SCFD1: variants seen among roughly 807,000 people sequenced by gnomAD.
SCFD1 encodes the protein sec1 family domain containing 1, also known as sec1 family domain-containing protein 1.
A neutral mutation model predicts 103.2 loss-of-function variants in SCFD1; 37 were observed. That is an observed-to-expected ratio of 0.36 (90% CI 0.28 to 0.47). The LOEUF (loss-of-function observed/expected upper bound fraction) is 0.47. Among genes scored for constraint, SCFD1 ranks in the 20% least tolerant of loss-of-function variants. The probability of loss-of-function intolerance (pLI) is 1.00; values close to 1 mark genes in which losing one functional copy is unlikely to be tolerated. For synonymous variants in SCFD1, 264 were observed against 245.0 expected (o/e 1.08, Z -0.73); for missense variants, 639 against 761.2 (o/e 0.84, Z 1.89).
intron 23 of SCFD1, among the ~76,000 whole-genome samples, chr14:30,732,975 ATACTGGTACATTT>A (rs887044832): frequency 1.3e-5 from 2 of 151,944 alleles, no homozygotes; most frequent in African/African-American, 2.4e-5. Context: ...TTGAATCAAT[ATACTGGTACATTT>A]TATAAAGTTC....
intron 18 of SCFD1, among the ~76,000 whole-genome samples, chr14:30,707,606 G>A (rs1455633319): frequency 6.6e-6 from 1 of 151,962 alleles, no homozygotes; most frequent in East Asian, 1.9e-4. Flanking sequence ...AATTGTCCAA[G>A]TTACTAGCTT....
At chr14:30,696,882 TA>T (rs980156814) in intron 15 of SCFD1, among the ~76,000 whole-genome samples, 8 of 152,092 alleles carry the variant, frequency 5.3e-5, no homozygotes, top group Admixed American at 1.3e-4. Context: ...ACTGGCTAAA[TA>T]AATATATTGG....
intron 23 of SCFD1, chr14:30,734,573 T>C: frequency 3.9e-6 from 2 of 514,626 alleles, no homozygotes; most frequent in Non-Finnish European, 7.0e-6. Flanking sequence ...TATGCCATAG[T>C]ATATATTTTG....
At chr14:30,684,613 T>G (rs1889785220) in intron 14 of SCFD1, among the ~76,000 whole-genome samples, 1 of 152,046 alleles carries the variant, frequency 6.6e-6, no homozygotes, top group Admixed American at 6.6e-5. Context: ...AATGTCCTTC[T>G]AAAAGGATTT....
intron 23 of SCFD1, among the ~76,000 whole-genome samples, chr14:30,724,677 A>T (rs900705176): frequency 6.6e-6 from 1 of 152,170 alleles, no homozygotes; most frequent in Non-Finnish European, 1.5e-5. Flanking sequence ...TTTGCTATGT[A>T]GAAGCTCTTT....
chr14:30,682,981 A>T, intron 14 of SCFD1: 1 of 814,490 alleles, frequency 1.2e-6, no homozygotes, highest in Non-Finnish European at 1.9e-6. Flanking sequence ...GAAATCACAA[A>T]AAAAGACAGA....
chr14:30,725,176 T>G (rs1226848925), intron 23 of SCFD1, among the ~76,000 whole-genome samples: 1 of 152,164 alleles, frequency 6.6e-6, no homozygotes, highest in African/African-American at 2.4e-5. Flanking sequence ...GGCTCTTTTT[T>G]GATTCCATAT....
chr14:30,681,006 G>A (rs536667914), intron 14 of SCFD1, among the ~76,000 whole-genome samples: 2 of 152,278 alleles, frequency 1.3e-5, no homozygotes, highest in South Asian at 4.2e-4. Flanking sequence ...GCCAAGGCAG[G>A]CAGATCACTT....
chr14:30,692,600 A>G (rs1054055467), intron 14 of SCFD1, among the ~76,000 whole-genome samples: 2 of 152,232 alleles, frequency 1.3e-5, no homozygotes, highest in Admixed American at 6.5e-5. Flanking sequence ...CTAGAGAATT[A>G]AAAGCAAACA....
Position 30,650,420 on chromosome 14 carries a change from C to A in SCFD1, c.670-145C>A. On this transcript the variant is annotated intron_variant, in intron 8 of 24. Coordinates refer to ENST00000458591, the MANE Select transcript of SCFD1 (RefSeq NM_016106.4). ...TTATGATGATATGGAAGTGGTAAGA[C>A]GGAGCTAAAATATTTAGATATTAGA... is the stretch of plus-strand genomic sequence containing the variant. 1.4e-5 allele frequency: 9 copies of A among 623,026 alleles called. No homozygotes were observed. In the South Asian group the frequency reaches 1.6e-4, roughly 11 times the overall value. 38.6% of individuals were successfully genotyped at this position (623,026 alleles called of 1,614,324 possible). A position where few individuals can be genotyped will look rare whatever the true frequency, so the allele number is the denominator to read the frequency against.
chr14:30,676,160 T>G (rs1327304363), intron 14 of SCFD1: 2 of 152,186 alleles, frequency 1.3e-5, no homozygotes, highest in African/African-American at 4.8e-5. Context: ...TATCACCAGG[T>G]GAAATACAAC....
chr14:30,732,794 T>C (rs1490961709), intron 23 of SCFD1, among the ~76,000 whole-genome samples: 5 of 152,228 alleles, frequency 3.3e-5, no homozygotes, highest in African/African-American at 1.2e-4. Flanking sequence ...ACAATGTAAA[T>C]GCTATTTGGT....
At chr14:30,628,339 T>C in intron 2 of SCFD1, 60 bp downstream of exon 2, 1 of 1,058,844 alleles carries the variant, frequency 9.4e-7, no homozygotes, top group Non-Finnish European at 1.4e-6. Flanking sequence ...TTGGTGGTAA[T>C]TGGAGGGAAT....
chr14:30,637,002 C>T (rs972200002), intron 4 of SCFD1, among the ~76,000 whole-genome samples: 2 of 151,944 alleles, frequency 1.3e-5, no homozygotes, highest in Admixed American at 1.3e-4. Flanking sequence ...TGTCTCAGCC[C>T]AGGATTCAGA....
chr14:30,640,875 CAT>C (rs374358368), intron 6 of SCFD1, among the ~76,000 whole-genome samples: 44 of 152,168 alleles, frequency 2.9e-4, no homozygotes, highest in East Asian at 5.8e-4. Flanking sequence ...TGAAAGATCA[CAT>C]GTTTGAGATT....
chr14:30,695,623 C>A (rs1292893295), intron 15 of SCFD1, among the ~76,000 whole-genome samples: 2 of 152,218 alleles, frequency 1.3e-5, no homozygotes, highest in Middle Eastern at 3.4e-3. Flanking sequence ...AATCCCAGTA[C>A]TTTGGGAGCT....
At chr14:30,628,338 A>G (rs1883741120) in intron 2 of SCFD1, 59 bp downstream of exon 2, 2 of 1,056,284 alleles carry the variant, frequency 1.9e-6, no homozygotes, top group African/African-American at 1.6e-5. Context: ...ATTGGTGGTA[A>G]TTGGAGGGAA....
chr14:30,680,913 T>G (rs945455041), intron 14 of SCFD1, among the ~76,000 whole-genome samples: 3 of 152,204 alleles, frequency 2.0e-5, no homozygotes, highest in Non-Finnish European at 4.4e-5. Flanking sequence ...TAACTTGCTG[T>G]TCTTTTTCTA....
rs745987712 is a variant in SCFD1 at position 30,721,944 on chromosome 14, TC to T, written c.1770+29del. 3.9e-6 allele frequency: 6 copies of T among 1,555,048 alleles called. No individual in the cohort carries two copies. In the South Asian group the frequency reaches 6.7e-5, roughly 17 times the overall value. ...TAAGTTTCATATAAAAATTCTCTGT[TC>T]CTAGAAAGGGAAGATGAAAGGTGAC... On this transcript the variant is annotated intron_variant, in intron 22 of 24. Transcript: ENST00000458591.
Sources: allele counts gnomAD v4.1 joint callset (sites outside exome capture counted in the v4.1 genomes callset), GRCh38; gene constraint gnomAD v4.1.1; transcripts MANE v1.5; gene names NCBI Gene and HGNC (gene_info 2026-07-23, HGNC 2026-07-21).